LRFN1: variants seen among roughly 807,000 people sequenced by gnomAD.
LRFN1 encodes the protein leucine rich repeat and fibronectin type III domain containing 1.
LRFN1 carries 20 observed loss-of-function variants against 31.8 expected under a neutral mutation model. That is an observed-to-expected ratio of 0.63 (90% CI 0.44 to 0.91). LRFN1 has a LOEUF of 0.91. Among genes scored for constraint, LRFN1 ranks in the 40% least tolerant of loss-of-function variants. LRFN1 has a pLI of 0.00. For synonymous variants in LRFN1, 514 were observed against 541.3 expected, an observed-to-expected ratio of 0.95 and a Z score of 0.70; for missense variants, 912 against 1,129.8, an observed-to-expected ratio of 0.81 and a Z score of 2.76.
In LRFN1 at chr19:39,314,368, C is replaced by T; in HGVS notation, c.969G>A (p.Ala323=). 5 of 1,587,042 alleles carry T rather than the reference C, an allele frequency of 3.2e-6. No homozygotes were observed. Among genetic ancestry groups the T allele is most frequent in the African/African-American group, 1.3e-5 (1 of 74,300 alleles). The change falls in exon 4 of 5, where the codon GCG becomes GCA. Residue 323 remains alanine, a synonymous_variant. Transcript: ENST00000248668. ...GCACCACCGGCTCGGGGTCACCCAC[C>T]GCTCGGCAGCGCAGGCTCACCGCCT... ...EGQAVSLRCR[A]VGDPEPVVHW... is the part of the protein sequence containing the mutation.
At chr19:39,317,103 GA>G (rs1231507865) in intron 2 of LRFN1, among the ~76,000 whole-genome samples, 1 of 152,058 alleles carries the variant, frequency 6.6e-6, no homozygotes, top group Non-Finnish European at 1.5e-5. Flanking sequence ...GAGAAACAGA[GA>G]GACAAAAAGA....
At chr19:39,316,782 G>A (rs937023441) in intron 2 of LRFN1, among the ~76,000 whole-genome samples, 14 of 152,140 alleles carry the variant, frequency 9.2e-5, no homozygotes, top group Non-Finnish European at 4.4e-5. Flanking sequence ...TTCCCCCTGC[G>A]GCGGCTGCAG....
chr19:39,307,714 C>G lies in LRFN1; in HGVS notation c.2235G>C (p.Glu745Asp). 1 of 1,510,488 alleles carries G rather than the reference C, an allele frequency of 6.6e-7. No homozygotes were observed. The allele number at this position is 1,510,488 out of a possible 1,614,324, so 93.6% of individuals were successfully genotyped here. ...LDGAGGGAAGEDGDLGLGSAR... is the reference protein window; with the variant it reads ...LDGAGGGAAGDDGDLGLGSAR... Reference sequence around the variant, plus strand: ...CGGAGCCCAGCCCCAGGTCTCCATCCTCCCCGGCCGCGCCCCCTCCAGCCC... The same window carrying G: ...CGGAGCCCAGCCCCAGGTCTCCATCGTCCCCGGCCGCGCCCCCTCCAGCCC... Residue 745 changes from glutamate to aspartate, a missense_variant, in exon 5 of 5, where the codon GAG (glutamate) becomes GAC (aspartate). Physicochemically the swap from Glu to Asp is conservative, Grantham distance 45. Transcript: ENST00000248668. This position sits in a 1 kb window ranked among gnomAD's most constrained non-coding sequence, Gnocchi z 6.7.
chr19:39,315,201 T>C lies in LRFN1; in HGVS notation c.136A>G (p.Thr46Ala), dbSNP rs1448184802. 1 of 1,582,128 alleles carries C rather than the reference T, an allele frequency of 6.3e-7. No individual in the cohort carries two copies. Residue 46 changes from threonine to alanine, a missense_variant, in exon 4 of 5, where the codon ACA (threonine) becomes GCA (alanine). Thr to Ala is a moderately conservative substitution (Grantham distance 58). Coordinates refer to ENST00000248668, the MANE Select transcript of LRFN1 (RefSeq NM_020862.2). The surrounding 1 kb of genome is among the most constrained non-coding windows in gnomAD (Gnocchi z 4.7). ...GRCICQNVAP[T>A]LTMLCAKTGL... is the part of the protein sequence containing the mutation. ...GTCTTGGCGCACAGCATTGTCAGTG[T>C]GGGCGCCACGTTCTGGCAGATGCAG...
Position 39,308,010 on chromosome 19 carries a change from C to T in LRFN1, c.1939G>A (p.Ala647Thr). 6.4e-7 allele frequency: 1 copy of T among 1,570,294 alleles called. No individual in the cohort carries two copies. Among genetic ancestry groups the T allele is most frequent in the Non-Finnish European group, 8.6e-7 (1 of 1,164,468 alleles). The change falls in exon 5 of 5, where the codon GCC becomes ACC. Residue 647 changes from alanine (A) to threonine (T), a missense_variant. This residue lies in a region of LRFN1 where 511 missense variants were observed against 557.0 expected (regional missense o/e 0.92). Transcript: ENST00000248668. This position sits in a 1 kb window ranked among gnomAD's most constrained non-coding sequence, Gnocchi z 6.2. ...VVLGRSLGGS[A>T]TSLCLLPSEE... ...GATGGCAGCAGGCACAGCGAGGTGG[C>T]CGAGCCGCCCAGAGAACGTCCAAGG...
At position 39,307,953 on chromosome 19, in the gene LRFN1, C is replaced by A; in HGVS notation, c.1996G>T (p.Ala666Ser). ...EETSGEESRAAVGPRRSRSGA... is the reference protein window; with the variant it reads ...EETSGEESRASVGPRRSRSGA... ...GATCGGCTCCTTCGAGGGCCCACCG[C>A]GGCCCGAGACTCCTCCCCGGAAGTT... The change falls in exon 5 of 5, where the codon GCG (alanine) becomes TCG (serine). Residue 666 changes from alanine (A) to serine (S), a missense_variant. Physicochemically the swap from Ala to Ser is moderately conservative, Grantham distance 99. Around this residue, in one of 2 missense-constraint regions of LRFN1, gnomAD observed 511 missense variants for 557.0 expected, o/e 0.92. Transcript: ENST00000248668. The surrounding 1 kb of genome is among the most constrained non-coding windows in gnomAD (Gnocchi z 6.7). 1 of 1,567,698 alleles carries A rather than the reference C, an allele frequency of 6.4e-7. No individual in the cohort carries two copies. The highest frequency in any genetic ancestry group is 1.8e-5 in the Admixed American group (1 of 55,736).
chr19:39,312,017 G>A (rs567848369), intron 4 of LRFN1, among the ~76,000 whole-genome samples: 33 of 151,636 alleles, frequency 2.2e-4, no homozygotes, highest in African/African-American at 7.7e-4. Context: ...TTACAGGCAC[G>A]TGCCACCACA....
In LRFN1 at chr19:39,309,478, C is replaced by CAAAAAAAAAAAAAAAAAAAAAAAAAAA. The variant is rs71169583; in HGVS notation, c.1407-963_1407-937dup. ...ACTCTGTCTCAAAAAACAAACAAAC[C>CAAAAAAAAAAAAAAAAAAAAAAAAAAA]AAAAAAAAAAAAAAAAAAAAAAAAA... is the stretch of plus-strand genomic sequence containing the variant. On this transcript the variant is annotated intron_variant, in intron 4 of 4. Transcript: ENST00000248668. 1.2e-4 allele frequency among the ~76,000 whole-genome samples: 4 copies of CAAAAAAAAAAAAAAAAAAAAAAAAAAA among 32,006 alleles called. 1 individual carries two copies. The highest frequency in any genetic ancestry group is 5.9e-4 in the African/African-American group (4 of 6,830). The allele number at this position is 32,006 out of a possible 152,430, so 21.0% of individuals were successfully genotyped here.
chr19:39,308,353 C>A lies in LRFN1; in HGVS notation c.1596G>T (p.Leu532Phe). 6 of 1,612,696 alleles carry A rather than the reference C, an allele frequency of 3.7e-6. No individual in the cohort carries two copies. The highest frequency in any genetic ancestry group is 5.1e-6 in the Non-Finnish European group (6 of 1,179,542). The change falls in exon 5 of 5, where the codon TTG (leucine) becomes TTT (phenylalanine). Residue 532 changes from leucine (L) to phenylalanine (F), a missense_variant. This residue lies in a region of LRFN1 where 511 missense variants were observed against 557.0 expected (regional missense o/e 0.92). Transcript: ENST00000248668. The surrounding 1 kb of genome is among the most constrained non-coding windows in gnomAD (Gnocchi z 6.2). ...CGATGGCGATGATCATGGTGCCGCC[C>A]AAGAAATGGGCCCTCAGCGGGCGGC... ...APCRPLRAHFLGGTMIIAIGG... is the reference protein window; with the variant it reads ...APCRPLRAHFFGGTMIIAIGG...
intron 4 of LRFN1, among the ~76,000 whole-genome samples, chr19:39,311,125 T>G (rs1163658094): frequency 6.6e-6 from 1 of 152,068 alleles, no homozygotes; most frequent in African/African-American, 2.4e-5. Context: ...AGAGGCTGGC[T>G]CCTTAAGAAA....
At chr19:39,319,701 C>G (rs1201861242) in intron 1 of LRFN1, among the ~76,000 whole-genome samples, 1 of 152,010 alleles carries the variant, frequency 6.6e-6, no homozygotes, top group Non-Finnish European at 1.5e-5. Flanking sequence ...CCTGAGGCAC[C>G]CCCCCACCAC....
In LRFN1 at chr19:39,306,938, G is replaced by T. The variant is rs2075130655; in HGVS notation, c.*695C>A. 1 of 187,904 alleles carries T rather than the reference G, an allele frequency of 5.3e-6. No individual in the cohort carries two copies. The highest frequency in any genetic ancestry group is 2.3e-5 in the African/African-American group (1 of 42,868). 11.6% of individuals were successfully genotyped at this position (187,904 alleles called of 1,614,324 possible). On this transcript the variant is annotated 3_prime_UTR_variant, in exon 5 of 5. Transcript: ENST00000248668. ...TATTTGGGAGAGTCTGGTCCTTCCAGTGGGACCTGCCCGGGAGAATGAGTA... is the reference window on the plus strand; with the variant it reads ...TATTTGGGAGAGTCTGGTCCTTCCATTGGGACCTGCCCGGGAGAATGAGTA...
intron 4 of LRFN1, among the ~76,000 whole-genome samples, chr19:39,311,875 CTTTTTTT>C (rs562002567): frequency 1.5e-4 from 15 of 100,608 alleles, no homozygotes; most frequent in South Asian, 6.4e-4. Flanking sequence ...AAAAGGGAGG[CTTTTTTT>C]TTTTTTTTTT....
chr19:39,320,110 G>A (rs969532447), intron 1 of LRFN1, among the ~76,000 whole-genome samples: 36 of 72,042 alleles, frequency 5.0e-4, no homozygotes, highest in Admixed American at 9.0e-4. Flanking sequence ...TCCCCCCCCC[G>A]CAACCACCGG....
chr19:39,317,688 A>T (rs753301662), intron 2 of LRFN1, among the ~76,000 whole-genome samples: 1 of 152,086 alleles, frequency 6.6e-6, no homozygotes, highest in African/African-American at 2.4e-5. Context: ...CGGTGTGCTC[A>T]TCTGTCAAAT....
Position 39,307,648 on chromosome 19 carries a change from C to T in LRFN1, c.2301G>A (p.Leu767=). 6.8e-7 allele frequency: 1 copy of T among 1,466,498 alleles called. No individual in the cohort carries two copies. Among genetic ancestry groups the T allele is most frequent in the Non-Finnish European group, 8.9e-7 (1 of 1,118,218 alleles). 90.8% of individuals were successfully genotyped at this position (1,466,498 alleles called of 1,614,324 possible). A position where few individuals can be genotyped will look rare whatever the true frequency, so the allele number is the denominator to read the frequency against. Reference sequence around the variant, plus strand: ...CGCCCGCCGCTCACACGGTACTCTCCAGCATCCACTCGGTGCTGGTGAAAG... The same window carrying T: ...CGCCCGCCGCTCACACGGTACTCTCTAGCATCCACTCGGTGCTGGTGAAAG... ...CLAFTSTEWM[L]ESTV The change falls in exon 5 of 5, where the codon CTG becomes CTA. Residue 767 remains leucine (L), a synonymous_variant. Transcript: ENST00000248668. This position sits in a 1 kb window ranked among gnomAD's most constrained non-coding sequence, Gnocchi z 6.7.
At chr19:39,318,440 C>T (rs2075178394) in intron 1 of LRFN1, 82 bp from the exon 2 acceptor site, 1 of 152,280 alleles carries the variant, frequency 6.6e-6, no homozygotes, top group Non-Finnish European at 1.5e-5. Flanking sequence ...ACCATCCCGG[C>T]CAAGGAAGTC....
intron 1 of LRFN1, among the ~76,000 whole-genome samples, chr19:39,319,714 C>T (rs1422131232): frequency 6.6e-6 from 1 of 152,116 alleles, no homozygotes; most frequent in Non-Finnish European, 1.5e-5. Context: ...CCCACCACCC[C>T]ACCTACTTAC....
At chr19:39,319,737 A>G (rs1297326263) in intron 1 of LRFN1, among the ~76,000 whole-genome samples, 2 of 152,044 alleles carry the variant, frequency 1.3e-5, no homozygotes, top group African/African-American at 4.8e-5. Context: ...CCCAGGCCCA[A>G]GAAATCCTAA....
Sources: allele counts gnomAD v4.1 joint callset (sites outside exome capture counted in the v4.1 genomes callset), GRCh38; gene constraint gnomAD v4.1.1; regional missense constraint gnomAD v4.1.1; non-coding constraint Gnocchi (gnomAD v3.1); transcripts MANE v1.5; gene names NCBI Gene and HGNC (gene_info 2026-07-23, HGNC 2026-07-21).